GREB1L: variants seen among roughly 807,000 people sequenced by gnomAD.
GREB1L encodes the protein GREB1 like retinoic acid receptor coactivator.
A neutral mutation model predicts 200.8 loss-of-function variants in GREB1L; 17 were observed. That is an observed-to-expected ratio of 0.08 (90% confidence interval 0.06 to 0.13). The LOEUF is 0.13. GREB1L is among the 10% of genes least tolerant of loss of function. The probability of loss-of-function intolerance (pLI) is 1.00; values close to 1 mark genes in which losing one functional copy is unlikely to be tolerated. For missense variants in GREB1L, 1,657 were observed against 2,367.7 expected, an observed-to-expected ratio of 0.70 and a Z score of 6.23; for synonymous variants, 789 against 893.0, an observed-to-expected ratio of 0.88 and a Z score of 2.08.
intron 1 of GREB1L, among the ~76,000 whole-genome samples, chr18:21,300,788 C>T (rs141496046): frequency 3.3e-5 from 5 of 152,148 alleles, no homozygotes; most frequent in African/African-American, 2.4e-5. Context: ...CCCTTCTTCC[C>T]CAACAGGACA....
chr18:21,337,935 C>T (rs761878540), intron 1 of GREB1L, among the ~76,000 whole-genome samples: 2 of 151,664 alleles, frequency 1.3e-5, no homozygotes, highest in Admixed American at 1.3e-4. Context: ...TGCAGTGAGC[C>T]GAGATCGCAC....
At chr18:21,251,353 TATTC>T (rs1385542273) in intron 1 of GREB1L, among the ~76,000 whole-genome samples, 1 of 152,316 alleles carries the variant, frequency 6.6e-6, no homozygotes, top group East Asian at 1.9e-4. Flanking sequence ...TTTCACCTAA[TATTC>T]AATAAAACAC....
At chr18:21,415,463 C>G (rs2031535038) in intron 7 of GREB1L, among the ~76,000 whole-genome samples, 1 of 151,972 alleles carries the variant, frequency 6.6e-6, no homozygotes, top group African/African-American at 2.4e-5. Context: ...GATTGAACCA[C>G]TGTGCTCCAG....
chr18:21,448,275 C>G lies in GREB1L; in HGVS notation c.1394-1235C>G, dbSNP rs545798919. Among the ~76,000 whole-genome samples the G allele has an allele frequency of 3.9e-5, 6 of 152,154 alleles. No homozygotes were observed. The South Asian group carries it at 1.0e-3, about 26-fold the overall frequency. Reference sequence around the variant, plus strand: ...GGAGAAAAATCTGTTTATGAGAATTCTACTCTCCTACCTCTCCCTGGCCTC... The same window carrying G: ...GGAGAAAAATCTGTTTATGAGAATTGTACTCTCCTACCTCTCCCTGGCCTC... On this transcript the variant is annotated intron_variant, in intron 11 of 32. Transcript: ENST00000424526.
intron 1 of GREB1L, among the ~76,000 whole-genome samples, chr18:21,243,196 G>A (rs1427232298): frequency 6.6e-6 from 1 of 152,046 alleles, no homozygotes; most frequent in Non-Finnish European, 1.5e-5. Flanking sequence ...ATCCATTCCC[G>A]CCGTCCCTCT....
At chr18:21,358,808 G>A (rs1268845406) in intron 1 of GREB1L, among the ~76,000 whole-genome samples, 1 of 152,170 alleles carries the variant, frequency 6.6e-6, no homozygotes, top group African/African-American at 2.4e-5. Context: ...TATGTAACCA[G>A]AAACTACCTG....
At chr18:21,333,868 G>C (rs2039145063) in intron 1 of GREB1L, among the ~76,000 whole-genome samples, 1 of 151,718 alleles carries the variant, frequency 6.6e-6, no homozygotes, top group African/African-American at 2.4e-5. Context: ...TGTAGTCCCA[G>C]CTACTTGGGA....
chr18:21,511,529 T>A (rs2037237220), intron 27 of GREB1L, among the ~76,000 whole-genome samples: 1 of 152,208 alleles, frequency 6.6e-6, no homozygotes, highest in Non-Finnish European at 1.5e-5. Flanking sequence ...TTCTCCTAAA[T>A]GATTTATAGT....
At chr18:21,346,473 T>C (rs2143144189) in intron 1 of GREB1L, among the ~76,000 whole-genome samples, 1 of 151,986 alleles carries the variant, frequency 6.6e-6, no homozygotes, top group Middle Eastern at 3.4e-3. Context: ...GGGCTATATT[T>C]CCATCTTTCT....
intron 7 of GREB1L, among the ~76,000 whole-genome samples, chr18:21,428,461 G>A (rs1183374983): frequency 4.1e-5 from 6 of 147,740 alleles, no homozygotes; most frequent in Admixed American, 2.7e-4. Flanking sequence ...TGTTTTTGTC[G>A]TGAAAGAATG....
chr18:21,418,513 ATATTTT>A (rs1567993904), intron 7 of GREB1L, among the ~76,000 whole-genome samples: 1 of 151,780 alleles, frequency 6.6e-6, no homozygotes, highest in Non-Finnish European at 1.5e-5. Context: ...TTTTAAAAAA[ATATTTT>A]TGTTTTGTTT....
In GREB1L at chr18:21,430,289, A is replaced by T. The variant is rs188596744; in HGVS notation, c.833-9232A>T. On this transcript the variant is annotated intron_variant, in intron 7 of 32. Transcript: ENST00000424526. ...TTTATAATGCTTTTTTTTTTCTTTA[A>T]GGTTGCCAGTGATGCCCCGTCTTTT... is the stretch of plus-strand genomic sequence containing the variant. Among the ~76,000 whole-genome samples the T allele has an allele frequency of 1.3e-4, 20 of 151,894 alleles. No individual in the cohort carries two copies. The East Asian group carries it at 3.1e-3, about 24-fold the overall frequency.
chr18:21,290,824 CAA>C (rs752840997), intron 1 of GREB1L, among the ~76,000 whole-genome samples: 20 of 63,224 alleles, frequency 3.2e-4, no homozygotes, highest in Middle Eastern at 0.01. Flanking sequence ...GACTCTGTCT[CAA>C]AAAAAAAAAA....
chr18:21,320,355 T>C (rs1269553941), intron 1 of GREB1L, among the ~76,000 whole-genome samples: 1 of 152,130 alleles, frequency 6.6e-6, no homozygotes, highest in African/African-American at 2.4e-5. Flanking sequence ...TATAAAATAT[T>C]GTAATTACTG....
intron 5 of GREB1L, among the ~76,000 whole-genome samples, chr18:21,400,496 T>C (rs1477223164): frequency 6.6e-6 from 1 of 152,232 alleles, no homozygotes; most frequent in Admixed American, 6.5e-5. Flanking sequence ...GCCTGTGCTC[T>C]GCTTTCCTCT....
chr18:21,277,732 T>A (rs2038192391), intron 1 of GREB1L, among the ~76,000 whole-genome samples: 1 of 152,142 alleles, frequency 6.6e-6, no homozygotes, highest in Non-Finnish European at 1.5e-5. Flanking sequence ...TGTCATGCCA[T>A]CCACACCATG....
chr18:21,357,630 A>G (rs998571829), intron 1 of GREB1L, among the ~76,000 whole-genome samples: 1 of 152,148 alleles, frequency 6.6e-6, no homozygotes, highest in Non-Finnish European at 1.5e-5. Context: ...ATTTAAGTCT[A>G]TTTTGAGTTG....
At chr18:21,343,145 A>G (rs77596088) in intron 1 of GREB1L, among the ~76,000 whole-genome samples, 5 of 151,982 alleles carry the variant, frequency 3.3e-5, no homozygotes, top group African/African-American at 1.2e-4. Context: ...AAAAAAAAAA[A>G]GGGAGTTAGT....
chr18:21,449,903 T>C lies in GREB1L; in HGVS notation c.1720+67T>C, dbSNP rs2034436843. The C allele has an allele frequency of 3.3e-6, 4 of 1,226,254 alleles. No homozygotes were observed. The South Asian group carries it at 6.4e-5, about 20-fold the overall frequency. The allele number at this position is 1,226,254 out of a possible 1,614,324, so 76.0% of individuals were successfully genotyped here. On this transcript the variant is annotated intron_variant, in intron 12 of 32. Coordinates refer to ENST00000424526, the MANE Select transcript of GREB1L (RefSeq NM_001142966.3). ...TCGACCATTTTTCCATTTAAAAATG[T>C]GTGTTATGTGTTTCAGGCATCCACA...
Sources: allele counts gnomAD v4.1 joint callset (sites outside exome capture counted in the v4.1 genomes callset), GRCh38; gene constraint gnomAD v4.1.1; transcripts MANE v1.5; gene names NCBI Gene and HGNC (gene_info 2026-07-23, HGNC 2026-07-21).